CPS1: variants seen among roughly 807,000 people sequenced by gnomAD.
The protein encoded by CPS1 is carbamoyl-phosphate synthase [ammonia], mitochondrial.
A neutral mutation model predicts 174.6 loss-of-function variants in CPS1; 109 were observed. That is an observed-to-expected ratio of 0.62 (90% CI 0.53 to 0.73). The LOEUF is 0.73. Among genes scored for constraint, CPS1 ranks in the 30% least tolerant of loss-of-function variants. CPS1 has a pLI of 0.00. For synonymous variants in CPS1, 637 were observed against 632.0 expected, an observed-to-expected ratio of 1.01 and a Z score of -0.12; for missense variants, 1,689 against 1,821.9, an observed-to-expected ratio of 0.93 and a Z score of 1.33.
upstream of CPS1, among the ~76,000 whole-genome samples, chr2:210,551,809 A>T (rs1559072378): frequency 6.6e-6 from 1 of 151,928 alleles, no homozygotes; most frequent in Non-Finnish European, 1.5e-5. Flanking sequence ...ATTTCCAAGG[A>T]TATCTGGTTA....
intron 28 of CPS1, among the ~76,000 whole-genome samples, chr2:210,650,722 A>G (rs1700534137): frequency 6.6e-6 from 1 of 152,188 alleles, no homozygotes. Flanking sequence ...TTTAGACTCC[A>G]GGAGTCTAAA....
intron 1 of CPS1, among the ~76,000 whole-genome samples, chr2:210,571,904 T>A (rs984031235): frequency 1.0e-3 from 97 of 94,112 alleles, no homozygotes; most frequent in African/African-American, 4.5e-3. Flanking sequence ...TGTGTGTGTG[T>A]GTGTGTATGT....
At chr2:210,557,115 G>T (rs1004265062) in intron 1 of CPS1, among the ~76,000 whole-genome samples, 2 of 151,986 alleles carry the variant, frequency 1.3e-5, no homozygotes, top group Non-Finnish European at 2.9e-5. Flanking sequence ...TAAGTACACT[G>T]CTTGAAAAAG....
At chr2:210,500,081 G>T (rs1004025293) in intron 1 of CPS1, among the ~76,000 whole-genome samples, 14 of 152,026 alleles carry the variant, frequency 9.2e-5, no homozygotes, top group Non-Finnish European at 1.9e-4. Flanking sequence ...AGCAAAGGGG[G>T]AAGCCCCTTA....
At chr2:210,606,473 T>A (rs542159041) in intron 17 of CPS1, among the ~76,000 whole-genome samples, 2 of 151,942 alleles carry the variant, frequency 1.3e-5, no homozygotes, top group South Asian at 4.2e-4. Flanking sequence ...TTGAAGTCAA[T>A]CTAGTAAGTA....
At position 210,579,714 on chromosome 2, in the gene CPS1, G is replaced by A. The variant is rs1273627566; in HGVS notation, c.472G>A (p.Val158Ile). 1.2e-6 allele frequency: 2 copies of A among 1,612,304 alleles called. No homozygotes were observed. The highest frequency in any genetic ancestry group is 1.7e-6 in the Non-Finnish European group (2 of 1,179,048). ...SLGQWLQEEKVPAIYGVDTRM... is the reference protein window; with the variant it reads ...SLGQWLQEEKIPAIYGVDTRM... ...TGTCACTACAATTTTTTTCTTATAG[G>A]TTCCTGCAATTTATGGAGTGGACAC... The change falls in exon 5 of 38, where the codon GTT (valine) becomes ATT (isoleucine). Residue 158 changes from valine (V) to isoleucine (I), a missense_variant and splice_region_variant. Physicochemically the swap from Val to Ile is conservative, Grantham distance 29. Transcript: ENST00000233072.
intron 13 of CPS1, among the ~76,000 whole-genome samples, chr2:210,596,510 G>A (rs893525323): frequency 2.0e-5 from 3 of 151,952 alleles, no homozygotes; most frequent in East Asian, 1.9e-4. Flanking sequence ...CCTGATGGGC[G>A]TCTGTTGAAG....
At chr2:210,536,837 T>G (rs566547165) in intron 1 of CPS1, among the ~76,000 whole-genome samples, 69 of 152,258 alleles carry the variant, frequency 4.5e-4, no homozygotes, top group African/African-American at 1.6e-3. Context: ...AATAAATCAT[T>G]GGCTGGAAAC....
chr2:210,613,586 A>ATC, intron 20 of CPS1, among the ~76,000 whole-genome samples: 2 of 151,952 alleles, frequency 1.3e-5, no homozygotes, highest in South Asian at 4.1e-4. Context: ...ATATATATAT[A>ATC]TAAAATTTTT....
chr2:210,579,807 CGGGTGT>C, intron 5 of CPS1, 37 bp downstream of exon 5: 1 of 1,508,240 alleles, frequency 6.6e-7, no homozygotes, highest in Non-Finnish European at 9.1e-7. Flanking sequence ...TATGTTTCTT[CGGGTGT>C]GTGTGTGTGT....
intron 35 of CPS1, 33 bp downstream of exon 35, chr2:210,674,994 A>G: frequency 1.3e-6 from 2 of 1,522,508 alleles, no homozygotes; most frequent in South Asian, 2.2e-5. Flanking sequence ...GTTTTCTGTC[A>G]GCATGGAATC....
intron 25 of CPS1, among the ~76,000 whole-genome samples, chr2:210,646,125 T>A (rs1272825298): frequency 6.6e-6 from 1 of 152,200 alleles, no homozygotes; most frequent in Non-Finnish European, 1.5e-5. Flanking sequence ...ACTTTTGCTA[T>A]AAGTTGCTAC....
At chr2:210,628,690 C>T (rs917723265) in intron 21 of CPS1, among the ~76,000 whole-genome samples, 2 of 151,954 alleles carry the variant, frequency 1.3e-5, no homozygotes, top group African/African-American at 4.8e-5. Flanking sequence ...GTTCCAGCTA[C>T]TTCGGAGACT....
At chr2:210,512,736 TTATATATA>T (rs71043996) in intron 1 of CPS1, among the ~76,000 whole-genome samples, 1,032 of 46,544 alleles carry the variant, frequency 0.022, 14 homozygotes, top group Middle Eastern at 0.03. Context: ...TCCAGTAGTT[TTATATATA>T]TATATATATA....
At chr2:210,500,743 A>C (rs889675013) in intron 1 of CPS1, among the ~76,000 whole-genome samples, 6 of 152,150 alleles carry the variant, frequency 3.9e-5, no homozygotes, top group African/African-American at 1.4e-4. Context: ...GCAGTTTTCC[A>C]GGCGTACTGT....
At chr2:210,590,556 C>T (rs980756199) in intron 8 of CPS1, among the ~76,000 whole-genome samples, 4 of 151,892 alleles carry the variant, frequency 2.6e-5, no homozygotes, top group Admixed American at 2.6e-4. Flanking sequence ...CCTTGGGACC[C>T]ATAAGACCTG....
At chr2:210,628,126 T>C (rs1699749007) in intron 21 of CPS1, among the ~76,000 whole-genome samples, 1 of 152,174 alleles carries the variant, frequency 6.6e-6, no homozygotes. Context: ...ATCACAGCAA[T>C]ATCCACCTGG....
intron 32 of CPS1, among the ~76,000 whole-genome samples, 195 bp downstream of exon 32, chr2:210,660,850 A>T (rs1700896061): frequency 6.6e-6 from 1 of 152,188 alleles, no homozygotes; most frequent in African/African-American, 2.4e-5. Context: ...TTTCAAAAAA[A>T]TTTTTAAAAC....
At chr2:210,578,223 T>C (rs557592617) in intron 4 of CPS1, among the ~76,000 whole-genome samples, 1 of 152,122 alleles carries the variant, frequency 6.6e-6, no homozygotes, top group East Asian at 1.9e-4. Context: ...ATTCACCTGC[T>C]TCAGCCTCCC....
Sources: allele counts gnomAD v4.1 joint callset (sites outside exome capture counted in the v4.1 genomes callset), GRCh38; gene constraint gnomAD v4.1.1; transcripts MANE v1.5; gene names NCBI Gene and HGNC (gene_info 2026-07-23, HGNC 2026-07-21).